The following LCA5L variants were observed in gnomAD, a reference collection of about 807,000 sequenced individuals.
LCA5L encodes the protein lebercilin LCA5 like, also known as lebercilin-like protein.
LCA5L carries 35 observed loss-of-function variants against 45.4 expected under a neutral mutation model. The observed-to-expected ratio is 0.77, with a 90% CI of 0.59 to 1.02. LCA5L has a LOEUF of 1.02. Ranked by LOEUF, LCA5L falls within the 50% of genes least tolerant of loss-of-function variation. LCA5L has a pLI of 0.00. For synonymous variants in LCA5L, 233 were observed against 264.7 expected (o/e 0.88, Z 1.16); for missense variants, 668 against 761.6 (o/e 0.88, Z 1.45).
At chr21:39,425,309 A>G (rs1428565786) in intron 5 of LCA5L, among the ~76,000 whole-genome samples, 1 of 152,208 alleles carries the variant, frequency 6.6e-6, no homozygotes, top group Non-Finnish European at 1.5e-5. Flanking sequence ...TCTACCTGTG[A>G]TAGAAACAAT....
rs1328500645 is a variant in LCA5L at position 39,406,465 on chromosome 21, T to C, written c.1430A>G (p.His477Arg). ...TTCTTGATTGCTTTCTCTTTCAGGA[T>C]GAATAACTTCAATTATTTTTGGTGG... ...ELPPKIIEVI[H>R]PERESNQEDV... Residue 477 changes from histidine (H) to arginine (R), a missense_variant, in exon 11 of 11, where the codon CAT (histidine) becomes CGT (arginine). By Grantham distance (29) the His-to-Arg change is conservative (BLOSUM62 0). Coordinates refer to ENST00000288350, the MANE Select transcript of LCA5L (RefSeq NM_152505.4). The C allele has an allele frequency of 1.9e-6, 3 of 1,614,006 alleles. No homozygotes were observed. The highest frequency in any genetic ancestry group is 2.5e-6 in the Non-Finnish European group (3 of 1,179,984).
chr21:39,412,572 G>A (rs955118415), intron 7 of LCA5L, among the ~76,000 whole-genome samples: 1 of 151,950 alleles, frequency 6.6e-6, no homozygotes, highest in South Asian at 2.1e-4. Context: ...GGAACCCAGG[G>A]ATGTCAGAGT....
chr21:39,406,227 G>GC lies in LCA5L; in HGVS notation c.1667dup (p.Lys557GlnfsTer5), dbSNP rs760830441. 1.1e-4 allele frequency: 182 copies of GC among 1,614,246 alleles called. 1 individual carries two copies. Among genetic ancestry groups the GC allele is most frequent in the Non-Finnish European group, 1.2e-5 (14 of 1,180,052 alleles). On this transcript the variant is annotated frameshift_variant, in exon 11 of 11. Coordinates refer to ENST00000288350, the MANE Select transcript of LCA5L (RefSeq NM_152505.4). LOFTEE classifies it low-confidence loss of function (END_TRUNC). ...TTTCCTCTCTGTTACTGAGATGCTT[G>GC]CCTGTACTATGACTGTACCTCATGT...
At chr21:39,439,160 C>A (rs1434931324) in intron 2 of LCA5L, among the ~76,000 whole-genome samples, 7 of 152,168 alleles carry the variant, frequency 4.6e-5, no homozygotes, top group African/African-American at 1.4e-4. Context: ...TCTGTGATCA[C>A]AGAAGCAGAG....
intron 7 of LCA5L, chr21:39,413,728 C>G (rs919195586): frequency 6.6e-6 from 1 of 152,178 alleles, no homozygotes; most frequent in African/African-American, 2.4e-5. Flanking sequence ...TGGATAATAG[C>G]TTTCAGATGA....
At chr21:39,432,539 A>G (rs1157271648) in intron 3 of LCA5L, among the ~76,000 whole-genome samples, 1 of 152,224 alleles carries the variant, frequency 6.6e-6, no homozygotes, top group African/African-American at 2.4e-5. Flanking sequence ...AAAGAAAATT[A>G]GTAAGAGTAC....
At chr21:39,428,598 A>ATATATATATATATATATATT (rs1242243392) in intron 4 of LCA5L, 95 bp from the exon 5 acceptor site, 1 of 32,034 alleles carries the variant, frequency 3.1e-5, no homozygotes, top group African/African-American at 1.0e-4. Flanking sequence ...ATATATATAT[A>ATATATATATATATATATATT]TTTTTTTTTT....
In LCA5L at chr21:39,420,851, C is replaced by T. The variant is rs1324634670; in HGVS notation, c.838-8G>A. 1 of 1,608,040 alleles carries T rather than the reference C, an allele frequency of 6.2e-7. No homozygotes were observed. Among genetic ancestry groups the T allele is most frequent in the Admixed American group, 1.7e-5 (1 of 59,638 alleles). On this transcript the variant is annotated splice_polypyrimidine_tract_variant and splice_region_variant and intron_variant, in intron 6 of 10. Coordinates refer to ENST00000288350, the MANE Select transcript of LCA5L (RefSeq NM_152505.4). ...CAGTTGTTTTTCCAAGCTCTGAAAA[C>T]AGTATATATTATAACTATTCTGCAA... is the stretch of plus-strand genomic sequence containing the variant.
chr21:39,416,023 G>A (rs1269183450), intron 7 of LCA5L, among the ~76,000 whole-genome samples: 1 of 152,190 alleles, frequency 6.6e-6, no homozygotes, highest in Non-Finnish European at 1.5e-5. Context: ...TCATTGATTA[G>A]AGCCACTAAT....
intron 2 of LCA5L, chr21:39,439,550 C>T (rs1044605034): frequency 7.9e-5 from 12 of 152,196 alleles, no homozygotes; most frequent in African/African-American, 4.8e-5. Flanking sequence ...TGAGTTCAAA[C>T]GTTTTGGGGA....
chr21:39,406,671 GA>G (rs750145357), intron 10 of LCA5L, 59 bp from the exon 11 acceptor site: 1 of 1,351,248 alleles, frequency 7.4e-7, no homozygotes, highest in South Asian at 1.4e-5. Context: ...TCTATTTCAA[GA>G]TGGCATGTCT....
intron 2 of LCA5L, chr21:39,436,301 T>A (rs2076281401): frequency 6.6e-6 from 1 of 152,212 alleles, no homozygotes; most frequent in African/African-American, 2.4e-5. Context: ...CATACTTTCA[T>A]GAATTATCAG....
chr21:39,414,581 G>A (rs1454366267), intron 7 of LCA5L, among the ~76,000 whole-genome samples: 2 of 152,018 alleles, frequency 1.3e-5, no homozygotes, highest in East Asian at 1.9e-4. Context: ...CTCGTGACTC[G>A]CTACCAAAAG....
Position 39,428,507 on chromosome 21 carries a change from AT to A in LCA5L, c.-10-5del. On this transcript the variant is annotated splice_polypyrimidine_tract_variant and splice_region_variant and intron_variant, in intron 4 of 10. Transcript: ENST00000288350. ...AGCCAAAGACATAGCAAACAACCTA[AT>A]AAAAGAAAAGTAAAACCTAATAAAA... 6.8e-7 allele frequency: 1 copy of A among 1,475,172 alleles called. No homozygotes were observed. Among genetic ancestry groups the A allele is most frequent in the Non-Finnish European group, 9.0e-7 (1 of 1,109,040 alleles). The allele number at this position is 1,475,172 out of a possible 1,614,324, so 91.4% of individuals were successfully genotyped here.
chr21:39,420,131 A>G (rs1298576266), intron 7 of LCA5L, among the ~76,000 whole-genome samples: 1 of 152,216 alleles, frequency 6.6e-6, no homozygotes, highest in Admixed American at 6.5e-5. Flanking sequence ...TAATGACAGT[A>G]CACATTCGCC....
rs902353988 is a variant in LCA5L at position 39,428,426 on chromosome 21, T to C, written c.68A>G (p.Asn23Ser). The change falls in exon 5 of 11, where the codon AAT (asparagine) becomes AGT (serine). Residue 23 changes from asparagine to serine, a missense_variant. Physicochemically the swap from Asn to Ser is conservative, Grantham distance 46. Coordinates refer to ENST00000288350, the MANE Select transcript of LCA5L (RefSeq NM_152505.4). The part of the protein sequence containing the change: ...EHFFGVALEN[N>S]RRSAACKRSP... ...TCTCTTGCATGCTGCAGACCTCCTATTGTTTTCTAATGCCACGCCGAAGAA... is the reference window on the plus strand; with the variant it reads ...TCTCTTGCATGCTGCAGACCTCCTACTGTTTTCTAATGCCACGCCGAAGAA... 2.5e-6 allele frequency: 4 copies of C among 1,612,420 alleles called. No individual in the cohort carries two copies. The highest frequency in any genetic ancestry group is 1.7e-5 in the Admixed American group (1 of 59,758).
Position 39,423,475 on chromosome 21 carries a change from G to T in LCA5L, c.338C>A (p.Ser113Ter). Reference protein sequence around the residue: ...ISQSKGQKEISVEKKHTWNAS... With the variant: ...ISQSKGQKEI The stretch of plus-strand genomic sequence containing the variant: ...ATTCCAGGTGTGCTTTTTTTCAACT[G>T]ATATTTCCTTCTGGCCTGTGTAAGC... The change falls in exon 6 of 11, where the codon TCA (serine) becomes TAA (stop). Residue 113 changes from serine (S) to a stop codon, truncating the protein, a stop_gained. Coordinates refer to ENST00000288350, the MANE Select transcript of LCA5L (RefSeq NM_152505.4). LOFTEE classifies it high-confidence loss of function. 6.4e-7 allele frequency: 1 copy of T among 1,562,770 alleles called. No individual in the cohort carries two copies. The highest frequency in any genetic ancestry group is 8.6e-7 in the Non-Finnish European group (1 of 1,162,300).
intron 3 of LCA5L, among the ~76,000 whole-genome samples, chr21:39,430,175 C>T (rs894899671): frequency 6.6e-6 from 1 of 152,194 alleles, no homozygotes; most frequent in African/African-American, 2.4e-5. Flanking sequence ...TTGCTCATGA[C>T]CTCAGTCCCT....
At chr21:39,419,112 A>G (rs1194679476) in intron 7 of LCA5L, among the ~76,000 whole-genome samples, 2 of 152,172 alleles carry the variant, frequency 1.3e-5, no homozygotes, top group Admixed American at 6.5e-5. Context: ...ATAATTCATC[A>G]GATGAATTAT....
Sources: gnomAD v4.1 joint callset for allele counts (sites outside exome capture counted in the v4.1 genomes callset) on GRCh38, gnomAD v4.1.1 for gene constraint, MANE v1.5 for transcripts, NCBI Gene and HGNC (gene_info 2026-07-23, HGNC 2026-07-21) for gene names.